The following DACH2 variants were observed in gnomAD, a reference collection of about 807,000 sequenced individuals.
DACH2 encodes the protein dachshund homolog 2.
Under a neutral mutation model 35.8 loss-of-function variants are expected in DACH2, and 17 were observed. The observed-to-expected ratio is 0.48, with a 90% CI of 0.33 to 0.71. The LOEUF is 0.71. Among genes scored for constraint, DACH2 ranks in the 30% least tolerant of loss-of-function variants. DACH2 has a pLI of 0.02. For missense variants in DACH2, 469 were observed against 472.7 expected, an observed-to-expected ratio of 0.99 and a Z score of 0.07; for synonymous variants, 195 against 177.3, an observed-to-expected ratio of 1.10 and a Z score of -0.79.
At chrX:86,476,137 C>CT (rs2037839728) in intron 2 of DACH2, among the ~76,000 whole-genome samples, 2 of 111,462 alleles carry the variant, frequency 1.8e-5, no homozygotes, top group Admixed American at 9.5e-5. Flanking sequence ...CTGTAGTTTT[C>CT]TTTTTTTGAT....
intron 1 of DACH2, among the ~76,000 whole-genome samples, chrX:86,320,639 C>A (rs990118531): frequency 9.8e-5 from 11 of 112,486 alleles, no homozygotes; most frequent in Non-Finnish European, 1.7e-4. Flanking sequence ...CCTCTGGCAC[C>A]AGCAAAACCA....
intron 5 of DACH2, among the ~76,000 whole-genome samples, chrX:86,698,928 C>G (rs1382229786): frequency 9.1e-6 from 1 of 109,917 alleles, no homozygotes; most frequent in Non-Finnish European, 1.9e-5. Context: ...TCAGATAAAA[C>G]AGACTGTAAA....
chrX:86,787,973 C>T (rs776168786), intron 7 of DACH2, among the ~76,000 whole-genome samples: 2 of 111,132 alleles, frequency 1.8e-5, no homozygotes, highest in East Asian at 5.7e-4. Context: ...TTGAGAGATT[C>T]GAGTGCACTA....
intron 7 of DACH2, among the ~76,000 whole-genome samples, chrX:86,789,016 G>A (rs2042163601): frequency 9.0e-6 from 1 of 111,483 alleles, no homozygotes; most frequent in Admixed American, 9.6e-5. Context: ...TTTAAAATCC[G>A]TATGTCTACA....
At chrX:86,733,960 CGAA>C (rs1018834507) in intron 6 of DACH2, among the ~76,000 whole-genome samples, 2 of 84,559 alleles carry the variant, frequency 2.4e-5, no homozygotes, top group African/African-American at 9.5e-5. Context: ...GAGCATGAGA[CGAA>C]GATACATTTA....
chrX:86,207,350 G>A (rs1028241998), intron 1 of DACH2, among the ~76,000 whole-genome samples: 1 of 111,147 alleles, frequency 9.0e-6, no homozygotes, highest in Non-Finnish European at 1.9e-5. Flanking sequence ...GCAAATCTAT[G>A]CATCATATTG....
intron 3 of DACH2, among the ~76,000 whole-genome samples, chrX:86,611,987 G>A (rs914916402): frequency 8.3e-5 from 9 of 108,485 alleles, no homozygotes; most frequent in Non-Finnish European, 1.7e-4. Context: ...GTGTGTGTGG[G>A]TAGGGGGATG....
At chrX:86,389,559 C>CA (rs747137212) in intron 2 of DACH2, among the ~76,000 whole-genome samples, 111 of 112,042 alleles carry the variant, frequency 9.9e-4, no homozygotes, top group African/African-American at 3.2e-3. Context: ...AACATGTTAG[C>CA]AAATGGCTTG....
rs1315361926 is a variant in DACH2, at chrX:86,290,286, A to G, written c.489-86538A>G. On this transcript the variant is annotated intron_variant, in intron 1 of 11. Transcript: ENST00000373125. ...ATGGGGTTGTTTGTTTTTTTCTTGT[A>G]AATTTCTTTGAGTTCATTGTAGATT... Among the ~76,000 whole-genome samples the G allele has an allele frequency of 6.5e-5, 4 of 61,859 alleles. 1 individual carries two copies. The highest frequency in any genetic ancestry group is 1.2e-4 in the Non-Finnish European group (4 of 32,886). The allele number at this position is 61,859 out of a possible 115,157, so 53.7% of individuals were successfully genotyped here.
chrX:86,628,321 T>C (rs746587174), intron 3 of DACH2, among the ~76,000 whole-genome samples: 2 of 112,281 alleles, frequency 1.8e-5, no homozygotes, highest in South Asian at 7.4e-4. Flanking sequence ...AGTTTAGCAG[T>C]GGATTGAACC....
At chrX:86,825,248 C>A (rs377362442) in intron 11 of DACH2, among the ~76,000 whole-genome samples, 2 of 110,077 alleles carry the variant, frequency 1.8e-5, no homozygotes, top group East Asian at 5.7e-4. Flanking sequence ...AATTTTTAGT[C>A]TCTACTAAAA....
At chrX:86,611,861 A>G (rs2039949857) in intron 3 of DACH2, among the ~76,000 whole-genome samples, 1 of 110,692 alleles carries the variant, frequency 9.0e-6, no homozygotes, top group African/African-American at 3.3e-5. Flanking sequence ...TCTTTCAGTG[A>G]TGTGACATTA....
At chrX:86,477,153 A>G (rs193299339) in intron 2 of DACH2, among the ~76,000 whole-genome samples, 26 of 109,378 alleles carry the variant, frequency 2.4e-4, no homozygotes, top group African/African-American at 8.6e-4. Context: ...AAGATAGATT[A>G]GGTTTATTTG....
chrX:86,495,558 C>T (rs998047011), intron 2 of DACH2, among the ~76,000 whole-genome samples: 29 of 110,639 alleles, frequency 2.6e-4, no homozygotes, highest in African/African-American at 9.2e-4. Flanking sequence ...GCCTGTAATA[C>T]CAACACTTTG....
intron 3 of DACH2, among the ~76,000 whole-genome samples, chrX:86,525,233 A>T (rs774149600): frequency 1.1e-4 from 12 of 111,877 alleles, no homozygotes; most frequent in Non-Finnish European, 2.1e-4. Context: ...TGAGGTTATG[A>T]ATCTTCAGGC....
chrX:86,591,434 C>T (rs931328626), intron 3 of DACH2, among the ~76,000 whole-genome samples: 1 of 111,585 alleles, frequency 9.0e-6, no homozygotes, highest in African/African-American at 3.3e-5. Context: ...TTTACAGTCC[C>T]ACCAACATTA....
chrX:86,165,436 A>G (rs2147868093), intron 1 of DACH2, among the ~76,000 whole-genome samples: 1 of 111,485 alleles, frequency 9.0e-6, no homozygotes, highest in African/African-American at 3.2e-5. Context: ...ACTAATTTAC[A>G]TTTCCGCCAA....
At chrX:86,679,616 CTGTGTGTGTG>C (rs67988965) in intron 4 of DACH2, among the ~76,000 whole-genome samples, 39 of 96,264 alleles carry the variant, frequency 4.1e-4, no homozygotes, top group African/African-American at 8.3e-4. Flanking sequence ...CTCTCTGTCT[CTGTGTGTGTG>C]TGTGTGTGTG....
At chrX:86,753,354 T>TA (rs1183568778) in intron 7 of DACH2, among the ~76,000 whole-genome samples, 1 of 111,918 alleles carries the variant, frequency 8.9e-6, no homozygotes, top group Admixed American at 9.5e-5. Context: ...GGAAAAAGAA[T>TA]AAAAAAGTAT....
Sources: gnomAD v4.1 joint callset for allele counts (sites outside exome capture counted in the v4.1 genomes callset) on GRCh38, gnomAD v4.1.1 for gene constraint, MANE v1.5 for transcripts, NCBI Gene and HGNC (gene_info 2026-07-23, HGNC 2026-07-21) for gene names.